The following ACAD9 variants were observed in gnomAD, a reference collection of about 807,000 sequenced individuals.
The protein encoded by ACAD9 is complex I assembly factor ACAD9, mitochondrial.
ACAD9 carries 53 observed loss-of-function variants against 70.2 expected under a neutral mutation model. The ratio of observed to expected loss-of-function variants is 0.75; its 90% CI spans 0.61 to 0.95. ACAD9 has a LOEUF of 0.95. Among genes scored for constraint, ACAD9 ranks in the 40% least tolerant of loss-of-function variants. ACAD9 has a pLI of 0.00. For synonymous variants in ACAD9, 313 were observed against 312.1 expected, an observed-to-expected ratio of 1.00 and a Z score of -0.03; for missense variants, 777 against 802.8, an observed-to-expected ratio of 0.97 and a Z score of 0.39.
At position 128,912,846 on chromosome 3, in the gene ACAD9, T is replaced by G. The variant is rs1936498547; in HGVS notation, c.*239T>G. ...ACTGAGCCGGAGAGAGAGAATGGAA[T>G]TGCTGACCCCTGGAACTGGCGGGTA... On this transcript the variant is annotated 3_prime_UTR_variant, in exon 18 of 18. Coordinates refer to ENST00000308982, the MANE Select transcript of ACAD9 (RefSeq NM_014049.5). 1 of 667,066 alleles carries G rather than the reference T, an allele frequency of 1.5e-6. No homozygotes were observed. The allele number at this position is 667,066 out of a possible 1,614,324, so 41.3% of individuals were successfully genotyped here.
intron 12 of ACAD9, among the ~76,000 whole-genome samples, chr3:128,907,020 G>A (rs542294465): frequency 2.4e-4 from 36 of 152,112 alleles, no homozygotes; most frequent in Non-Finnish European, 3.8e-4. Context: ...GGATGAGGCC[G>A]GAGACCAGGG....
intron 2 of ACAD9, among the ~76,000 whole-genome samples, chr3:128,892,493 A>G (rs1233602980): frequency 6.6e-6 from 1 of 152,212 alleles, no homozygotes; most frequent in Non-Finnish European, 1.5e-5. Flanking sequence ...TTATAGGTCT[A>G]ATGCTATGCT....
intron 7 of ACAD9, among the ~76,000 whole-genome samples, chr3:128,900,359 T>G (rs889649116): frequency 2.2e-4 from 33 of 152,134 alleles, no homozygotes; most frequent in African/African-American, 8.0e-4. Flanking sequence ...TGCCTCAGCC[T>G]CCCGAATAGC....
intron 2 of ACAD9, among the ~76,000 whole-genome samples, chr3:128,890,987 G>A (rs1394646505): frequency 1.3e-5 from 2 of 151,748 alleles, no homozygotes; most frequent in Non-Finnish European, 2.9e-5. Context: ...GACTATAGGT[G>A]CGCATCACTA....
At chr3:128,908,348 G>T in intron 13 of ACAD9, 84 bp downstream of exon 13, 4 of 1,513,330 alleles carry the variant, frequency 2.6e-6, no homozygotes, top group Non-Finnish European at 3.7e-6. Flanking sequence ...GGAAAGAGCT[G>T]CCTTGACCTG....
rs113793156 is a variant in ACAD9 at position 128,893,709 on chromosome 3, G to A, written c.346+53G>A. ...AGTTTAGCTCTTAAGAAAGCACTCT[G>A]TATTTGTCCATAACAGGTCTAGTTG... On this transcript the variant is annotated intron_variant, in intron 3 of 17. Transcript: ENST00000308982. The A allele has an allele frequency of 8.5e-5, 125 of 1,472,860 alleles. No individual in the cohort carries two copies. The African/African-American group carries it at 1.5e-3, about 17-fold the overall frequency. 91.2% of individuals were successfully genotyped at this position (1,472,860 alleles called of 1,614,324 possible). A position where few individuals can be genotyped will look rare whatever the true frequency, so the allele number is the denominator to read the frequency against.
intron 2 of ACAD9, among the ~76,000 whole-genome samples, chr3:128,892,379 T>A (rs1017313586): frequency 1.3e-5 from 2 of 152,356 alleles, no homozygotes; most frequent in South Asian, 4.1e-4. Flanking sequence ...CAAAAATTCT[T>A]AAGTGTAGGT....
Position 128,897,761 on chromosome 3 carries a change from T to A in ACAD9, c.633+51T>A, listed in dbSNP as rs747592492. On this transcript the variant is annotated intron_variant, in intron 6 of 17. Coordinates refer to ENST00000308982, the MANE Select transcript of ACAD9 (RefSeq NM_014049.5). ...TTAGGGTCTCAGTCACAACCTTCAC[T>A]GCCACTGAGTGAGCACTCTCCACAC... 1.7e-4 allele frequency: 260 copies of A among 1,517,734 alleles called. 4 individuals are homozygous for A. The South Asian group carries it at 2.9e-3, about 17-fold the overall frequency. 94.0% of individuals were successfully genotyped at this position (1,517,734 alleles called of 1,614,324 possible).
At chr3:128,912,162 C>G (rs1230736228) in intron 17 of ACAD9, among the ~76,000 whole-genome samples, 3 of 152,194 alleles carry the variant, frequency 2.0e-5, no homozygotes, top group Non-Finnish European at 4.4e-5. Flanking sequence ...CCAGACACCC[C>G]CCCAGTGCTG....
chr3:128,890,989 G>A (rs1303153740), intron 2 of ACAD9, among the ~76,000 whole-genome samples: 5 of 151,626 alleles, frequency 3.3e-5, no homozygotes, highest in East Asian at 2.0e-4. Flanking sequence ...CTATAGGTGC[G>A]CATCACTATG....
At chr3:128,887,125 A>G (rs1935273367) in intron 2 of ACAD9, among the ~76,000 whole-genome samples, 1 of 152,008 alleles carries the variant, frequency 6.6e-6, no homozygotes, top group Non-Finnish European at 1.5e-5. Flanking sequence ...GGGTTTCACC[A>G]TGTTGGCCAG....
intron 1 of ACAD9, among the ~76,000 whole-genome samples, chr3:128,883,098 T>G (rs1935140743): frequency 6.6e-6 from 1 of 151,760 alleles, no homozygotes; most frequent in Non-Finnish European, 1.5e-5. Context: ...TCTTGTTTTT[T>G]TTTTCCTTGA....
rs761816873 is a variant in ACAD9 at position 128,902,791 on chromosome 3, C to T, written c.958+163C>T. On this transcript the variant is annotated intron_variant, in intron 9 of 17. Coordinates refer to ENST00000308982, the MANE Select transcript of ACAD9 (RefSeq NM_014049.5). This position sits in a 1 kb window ranked among gnomAD's most constrained non-coding sequence, Gnocchi z 4.0. Reference sequence around the variant, plus strand: ...TTTTGTGGAGACCAGAGGGTCTCCTCAGCCTGCCCCTGAGGTTTGTTGTCT... The same window carrying T: ...TTTTGTGGAGACCAGAGGGTCTCCTTAGCCTGCCCCTGAGGTTTGTTGTCT... Among the ~76,000 whole-genome samples, 2 of 152,326 alleles carry T rather than the reference C, an allele frequency of 1.3e-5. No homozygotes were observed. Among genetic ancestry groups the T allele is most frequent in the Non-Finnish European group, 2.9e-5 (2 of 68,024 alleles).
At position 128,897,646 on chromosome 3, in the gene ACAD9, C is replaced by T. The variant is rs548599849; in HGVS notation, c.569C>T (p.Ala190Val). 3.7e-6 allele frequency: 6 copies of T among 1,613,604 alleles called. No homozygotes were observed. Among genetic ancestry groups the T allele is most frequent in the Non-Finnish European group, 5.1e-6 (6 of 1,179,808 alleles). Residue 190 changes from alanine (A) to valine (V), a missense_variant, in exon 6 of 18, where the codon GCC becomes GTC. Physicochemically the swap from Ala to Val is moderately conservative, Grantham distance 64. Transcript: ENST00000308982. ...TGCATCTGCAGTGGGAGCGATGCAG[C>T]CTCAATCCGGAGCAGAGCCACACTA... ...LTEPASGSDA[A>V]SIRSRATLSE... is the part of the protein sequence containing the mutation.
rs377252405 is a variant in ACAD9 at position 128,906,195 on chromosome 3, G to A, written c.1224G>A (p.Arg408=). ...TCCTCGGGGGCTTGGGCTACACAAG[G>A]GACTATCCGTACGAGCGCATACTGC... ...LQILGGLGYT[R]DYPYERILRD... The change falls in exon 12 of 18, where the codon AGG becomes AGA. Residue 408 remains arginine (R), a synonymous_variant. Transcript: ENST00000308982. 14 of 1,614,044 alleles carry A rather than the reference G, an allele frequency of 8.7e-6. No individual in the cohort carries two copies. The African/African-American group carries it at 1.2e-4, about 14-fold the overall frequency.
chr3:128,912,419 A>T (rs913891418), intron 17 of ACAD9, 88 bp from the exon 18 acceptor site: 302 of 1,211,256 alleles, frequency 2.5e-4, no homozygotes, highest in Non-Finnish European at 3.4e-4. Flanking sequence ...GGGTGGGCTG[A>T]CTTTGTGGAA....
intron 3 of ACAD9, 40 bp from the exon 4 acceptor site, chr3:128,895,270 T>C (rs1017729892): frequency 1.7e-5 from 25 of 1,510,604 alleles, no homozygotes; most frequent in Non-Finnish European, 2.1e-5. Context: ...GGGAGGAATC[T>C]AGGGCTGGGC....
At chr3:128,908,835 G>T in intron 13 of ACAD9, 138 bp from the exon 14 acceptor site, 2 of 1,402,494 alleles carry the variant, frequency 1.4e-6, no homozygotes, top group Non-Finnish European at 9.9e-7. Flanking sequence ...GTTTGGGGGG[G>T]TTCAGGCTGT....
Position 128,912,645 on chromosome 3 carries a change from C to T in ACAD9, c.*38C>T, listed in dbSNP as rs774900931. The T allele has an allele frequency of 1.7e-5, 26 of 1,532,432 alleles. No homozygotes were observed. Among genetic ancestry groups the T allele is most frequent in the Admixed American group, 6.7e-5 (4 of 59,932 alleles). The allele number at this position is 1,532,432 out of a possible 1,614,324, so 94.9% of individuals were successfully genotyped here. Reference sequence around the variant, plus strand: ...TGTCCCCTGCTACCGCCCGCCCCTACCCATGGCCCGTTGCTGGATGACTGT... The same window carrying T: ...TGTCCCCTGCTACCGCCCGCCCCTATCCATGGCCCGTTGCTGGATGACTGT... On this transcript the variant is annotated 3_prime_UTR_variant, in exon 18 of 18. Transcript: ENST00000308982.
Sources: allele counts gnomAD v4.1 joint callset (sites outside exome capture counted in the v4.1 genomes callset), GRCh38; gene constraint gnomAD v4.1.1; non-coding constraint Gnocchi (gnomAD v3.1); transcripts MANE v1.5; gene names NCBI Gene and HGNC (gene_info 2026-07-23, HGNC 2026-07-21).